COL11A1: variants seen among roughly 807,000 people sequenced by gnomAD.
COL11A1 encodes the protein collagen alpha-1(XI) chain.
COL11A1 carries 74 observed loss-of-function variants against 265.2 expected under a neutral mutation model. The observed-to-expected ratio is 0.28, with a 90% CI of 0.23 to 0.34. The LOEUF (loss-of-function observed/expected upper bound fraction) is 0.34, where lower values mean the gene tolerates loss of function less well. Among genes scored for constraint, COL11A1 ranks in the 10% least tolerant of loss-of-function variants. COL11A1 has a pLI of 1.00. For missense variants in COL11A1, 2,165 were observed against 2,263.6 expected (o/e 0.96, Z 0.88); for synonymous variants, 816 against 727.6 (o/e 1.12, Z -1.96).
intron 46 of COL11A1, among the ~76,000 whole-genome samples, chr1:102,931,657 T>C (rs1165849157): frequency 2.0e-5 from 3 of 151,790 alleles, no homozygotes; most frequent in Non-Finnish European, 2.9e-5. Flanking sequence ...TTGTTGACTT[T>C]CTGTCTCGTT....
intron 14 of COL11A1, among the ~76,000 whole-genome samples, chr1:103,009,624 T>C (rs1665936542): frequency 6.6e-6 from 1 of 152,174 alleles, no homozygotes; most frequent in Non-Finnish European, 1.5e-5. Flanking sequence ...AAATACTGTG[T>C]GTTCTAAAAG....
At chr1:102,998,463 C>G in intron 24 of COL11A1, 100 bp from the exon 25 acceptor site, 1 of 736,516 alleles carries the variant, frequency 1.4e-6, no homozygotes, top group Non-Finnish European at 2.1e-6. Flanking sequence ...GAGTCACTGG[C>G]TTCAATTCAT....
intron 24 of COL11A1, 77 bp downstream of exon 24, chr1:103,001,848 G>T: frequency 7.6e-7 from 1 of 1,323,054 alleles, no homozygotes; most frequent in Non-Finnish European, 1.1e-6. Context: ...AAAAACAGAA[G>T]GCAGACCTTA....
chr1:103,062,799 A>T (rs2102208679), intron 4 of COL11A1, among the ~76,000 whole-genome samples: 1 of 152,122 alleles, frequency 6.6e-6, no homozygotes, highest in African/African-American at 2.4e-5. Flanking sequence ...TGGGGAAGAG[A>T]AAAATTAAAC....
intron 46 of COL11A1, among the ~76,000 whole-genome samples, chr1:102,933,664 C>A (rs1657797176): frequency 1.3e-5 from 2 of 152,192 alleles, no homozygotes; most frequent in Admixed American, 1.3e-4. Context: ...CAAGCCTGGG[C>A]AATGGCGGGC....
intron 1 of COL11A1, among the ~76,000 whole-genome samples, chr1:103,090,684 A>G (rs561015089): frequency 6.6e-6 from 1 of 152,342 alleles, no homozygotes; most frequent in Admixed American, 6.5e-5. Context: ...TAAACATAGA[A>G]TGGTGTCTAA....
intron 31 of COL11A1, among the ~76,000 whole-genome samples, chr1:102,981,399 G>C (rs977138067): frequency 2.0e-5 from 3 of 151,698 alleles, no homozygotes; most frequent in South Asian, 4.1e-4. Context: ...AATTTTGAGG[G>C]GGGGGACAAA....
At chr1:102,933,831 C>A (rs1392855435) in intron 46 of COL11A1, among the ~76,000 whole-genome samples, 1 of 152,158 alleles carries the variant, frequency 6.6e-6, no homozygotes, top group Non-Finnish European at 1.5e-5. Flanking sequence ...GTGCAGTATT[C>A]CGGTGGGAGT....
At chr1:103,036,320 TCG>T (rs1668363751) in intron 4 of COL11A1, among the ~76,000 whole-genome samples, 1 of 30,006 alleles carries the variant, frequency 3.3e-5, no homozygotes, top group African/African-American at 7.9e-5. Context: ...AAAGTTGCTA[TCG>T]TATATATATA....
intron 4 of COL11A1, among the ~76,000 whole-genome samples, chr1:103,054,287 AC>A (rs1670053555): frequency 6.6e-6 from 1 of 152,216 alleles, no homozygotes; most frequent in Non-Finnish European, 1.5e-5. Context: ...TGCGAAATGC[AC>A]ATGCGAACCA....
intron 1 of COL11A1, among the ~76,000 whole-genome samples, chr1:103,097,987 T>C (rs895162105): frequency 2.0e-5 from 3 of 151,926 alleles, no homozygotes; most frequent in African/African-American, 4.8e-5. Flanking sequence ...ACTCTGAGTA[T>C]GGTGAAGAAA....
chr1:102,937,130 A>C (rs1658229960), intron 44 of COL11A1, among the ~76,000 whole-genome samples: 1 of 152,122 alleles, frequency 6.6e-6, no homozygotes, highest in African/African-American at 2.4e-5. Context: ...ATTATAAATA[A>C]ATCAATACAT....
At chr1:102,962,408 A>G in intron 39 of COL11A1, 143 bp from the exon 40 acceptor site, 1 of 770,178 alleles carries the variant, frequency 1.3e-6, no homozygotes, top group Non-Finnish European at 2.2e-6. Flanking sequence ...TGCCATATGC[A>G]TTAAAATGAA....
chr1:102,989,672 T>C (rs921594541), intron 28 of COL11A1, 101 bp from the exon 29 acceptor site: 2 of 758,260 alleles, frequency 2.6e-6, no homozygotes, highest in African/African-American at 3.5e-5. Context: ...GAGGGAAAAT[T>C]ATTTTTGAGA....
chr1:103,006,576 C>T (rs1365765989), intron 15 of COL11A1, among the ~76,000 whole-genome samples: 1 of 110,312 alleles, frequency 9.1e-6, no homozygotes, highest in East Asian at 3.2e-4. Context: ...CTAGCTCTGT[C>T]GCCTAGGCTG....
chr1:102,885,700 C>A (rs554276371), intron 63 of COL11A1, among the ~76,000 whole-genome samples: 1 of 151,890 alleles, frequency 6.6e-6, no homozygotes, highest in Non-Finnish European at 1.5e-5. Context: ...TTTGATATAT[C>A]TTACATGGTT....
intron 44 of COL11A1, 118 bp downstream of exon 44, chr1:102,938,917 G>GTA: frequency 1.2e-6 from 1 of 821,368 alleles, no homozygotes; most frequent in Non-Finnish European, 2.1e-6. Context: ...AGGTAATGTA[G>GTA]TATTGGTATT....
intron 50 of COL11A1, 69 bp downstream of exon 50, chr1:102,915,560 CAT>C: frequency 7.7e-7 from 1 of 1,298,462 alleles, no homozygotes; most frequent in Non-Finnish European, 1.1e-6. Context: ...AGAGTTGTTA[CAT>C]GTTTGTAATG....
intron 5 of COL11A1, among the ~76,000 whole-genome samples, chr1:103,029,457 TC>T (rs2101986230): frequency 6.6e-6 from 1 of 152,114 alleles, no homozygotes; most frequent in African/African-American, 2.4e-5. Flanking sequence ...ACTTACTAAT[TC>T]AATTAAGTAG....
Sources: allele counts gnomAD v4.1 joint callset (sites outside exome capture counted in the v4.1 genomes callset), GRCh38; gene constraint gnomAD v4.1.1; transcripts MANE v1.5; gene names NCBI Gene and HGNC (gene_info 2026-07-23, HGNC 2026-07-21).